DLG2: variants seen among roughly 807,000 people sequenced by gnomAD.
DLG2 encodes disks large homolog 2.
Under a neutral mutation model 132.5 loss-of-function variants are expected in DLG2, and 45 were observed. The ratio of observed to expected loss-of-function variants is 0.34; its 90% confidence interval spans 0.27 to 0.44. The LOEUF is 0.44. Among genes scored for constraint, DLG2 ranks in the 20% least tolerant of loss-of-function variants. The pLI is 1.00. For missense variants in DLG2, 1,045 were observed against 1,196.9 expected (o/e 0.87, Z 1.87); for synonymous variants, 424 against 419.6 (o/e 1.01, Z -0.13).
intron 6 of DLG2, among the ~76,000 whole-genome samples, chr11:84,739,922 T>C (rs969256265): frequency 3.3e-5 from 5 of 151,996 alleles, no homozygotes; most frequent in African/African-American, 1.2e-4. Flanking sequence ...TTTTACAGGA[T>C]CTGATGAAGC....
chr11:83,888,817 CTGATCTT>C (rs2068770949), intron 15 of DLG2, among the ~76,000 whole-genome samples: 1 of 152,190 alleles, frequency 6.6e-6, no homozygotes, highest in African/African-American at 2.4e-5. Context: ...CTACAACTAT[CTGATCTT>C]TGACAAACCT....
At chr11:85,378,632 C>T (rs2085626271) in intron 3 of DLG2, among the ~76,000 whole-genome samples, 1 of 151,902 alleles carries the variant, frequency 6.6e-6, no homozygotes, top group Non-Finnish European at 1.5e-5. Context: ...GATTTTTATA[C>T]AAGAAAAACT....
intron 6 of DLG2, among the ~76,000 whole-genome samples, chr11:84,961,566 GTA>G (rs1555318921): frequency 5.8e-5 from 8 of 138,600 alleles, no homozygotes; most frequent in East Asian, 2.3e-4. Flanking sequence ...GTGTGTGTGT[GTA>G]TGTGTATGCA....
intron 7 of DLG2, among the ~76,000 whole-genome samples, chr11:84,530,419 T>C (rs2099333653): frequency 6.6e-6 from 1 of 151,858 alleles, no homozygotes; most frequent in South Asian, 2.1e-4. Flanking sequence ...ATATTCAGAA[T>C]CCATTAACAA....
chr11:83,553,772 T>C (rs888400084), intron 19 of DLG2, among the ~76,000 whole-genome samples: 1 of 152,094 alleles, frequency 6.6e-6, no homozygotes, highest in African/African-American at 2.4e-5. Context: ...CATTTGCCAA[T>C]AGTTCAGAAA....
Position 84,866,542 on chromosome 11 carries a change from C to G in DLG2, c.357+245119G>C, listed in dbSNP as rs113786523. On this transcript the variant is annotated intron_variant, in intron 6 of 27. Transcript: ENST00000376104. ...CTGCAGATGCTAGGTAGAGTCTTGT[C>G]TTGCTACTTACTGGCTATTTGAGCC... Among the ~76,000 whole-genome samples the G allele has an allele frequency of 3.0e-3, 452 of 152,332 alleles. 5 individuals carry two copies. The highest frequency in any genetic ancestry group is 0.01 in the African/African-American group (426 of 41,576).
chr11:84,158,017 G>T (rs2095466987), intron 9 of DLG2, among the ~76,000 whole-genome samples: 1 of 151,726 alleles, frequency 6.6e-6, no homozygotes, highest in Admixed American at 6.6e-5. Flanking sequence ...GGAAGAAATA[G>T]ATTTTATTTA....
chr11:84,620,587 C>A (rs978197267), intron 6 of DLG2, among the ~76,000 whole-genome samples: 2 of 151,984 alleles, frequency 1.3e-5, no homozygotes, highest in African/African-American at 4.8e-5. Context: ...CATTATTTTA[C>A]AGAAGCAGAC....
intron 16 of DLG2, among the ~76,000 whole-genome samples, chr11:83,843,157 T>C (rs781413238): frequency 2.0e-5 from 3 of 152,226 alleles, no homozygotes; most frequent in Non-Finnish European, 4.4e-5. Context: ...CTTAACTTCA[T>C]TGTGCCCCTT....
Position 85,122,973 on chromosome 11 carries a change from T to TATATATATATA in DLG2, c.283-11239_283-11238insTATATATATAT, listed in dbSNP as rs61296374. On this transcript the variant is annotated intron_variant, in intron 5 of 27. Coordinates refer to ENST00000376104, the MANE Select transcript of DLG2 (RefSeq NM_001142699.3). ...ATTATATATATATATATATATATTT[T>TATATATATATA]TTTTTTTTTTTTTTTTTTTTTTGAG... Among the ~76,000 whole-genome samples, 125 of 47,020 alleles carry TATATATATATA rather than the reference T, an allele frequency of 2.7e-3. 1 individual carries two copies. The highest frequency in any genetic ancestry group is 0.011 in the South Asian group (15 of 1,334). The allele number at this position is 47,020 out of a possible 152,430, so 30.8% of individuals were successfully genotyped here. A position where few individuals can be genotyped will look rare whatever the true frequency, so the allele number is the denominator to read the frequency against.
chr11:84,347,542 T>C (rs898467040), intron 7 of DLG2, among the ~76,000 whole-genome samples: 1 of 152,066 alleles, frequency 6.6e-6, no homozygotes, highest in Admixed American at 6.5e-5. Flanking sequence ...CAATGTGTGG[T>C]CATATGTTTG....
intron 6 of DLG2, among the ~76,000 whole-genome samples, chr11:84,807,006 T>C (rs2076070684): frequency 6.6e-6 from 1 of 151,930 alleles, no homozygotes; most frequent in African/African-American, 2.4e-5. Context: ...GCCCAACACC[T>C]AAGAGGAGGA....
At chr11:84,985,696 T>C (rs1176691286) in intron 6 of DLG2, among the ~76,000 whole-genome samples, 1 of 152,082 alleles carries the variant, frequency 6.6e-6, no homozygotes, top group Admixed American at 6.6e-5. Flanking sequence ...AAGCAGGTTC[T>C]TTGAAAAGAT....
chr11:84,403,377 C>G (rs2098837400), intron 7 of DLG2, among the ~76,000 whole-genome samples: 1 of 152,148 alleles, frequency 6.6e-6, no homozygotes, highest in South Asian at 2.1e-4. Context: ...TAAACGGTCC[C>G]CAGTTTCCCT....
chr11:84,912,796 A>C (rs2092195790), intron 6 of DLG2, among the ~76,000 whole-genome samples: 1 of 152,222 alleles, frequency 6.6e-6, no homozygotes, highest in Non-Finnish European at 1.5e-5. Context: ...GCAGAAGGTA[A>C]TGATGGAAAG....
At chr11:84,770,746 C>T (rs557493967) in intron 6 of DLG2, among the ~76,000 whole-genome samples, 6 of 151,154 alleles carry the variant, frequency 4.0e-5, no homozygotes, top group African/African-American at 4.9e-5. Flanking sequence ...CACGGGTTCA[C>T]GCCATTCTCC....
At chr11:83,883,575 T>C (rs1468333838) in intron 15 of DLG2, among the ~76,000 whole-genome samples, 3 of 152,218 alleles carry the variant, frequency 2.0e-5, no homozygotes, top group Non-Finnish European at 2.9e-5. Flanking sequence ...AAAGCAATAA[T>C]GAGAAATCTC....
At chr11:84,263,570 A>G (rs2097574208) in intron 7 of DLG2, among the ~76,000 whole-genome samples, 1 of 152,172 alleles carries the variant, frequency 6.6e-6, no homozygotes, top group African/African-American at 2.4e-5. Flanking sequence ...AGAGTAAAAA[A>G]GATTTGAAGT....
chr11:85,151,612 C>G (rs2077259044), intron 5 of DLG2, among the ~76,000 whole-genome samples: 1 of 152,110 alleles, frequency 6.6e-6, no homozygotes, highest in Admixed American at 6.5e-5. Context: ...ATGTAGATAT[C>G]CAGTTTTCCC....
Sources: gnomAD v4.1 joint callset for allele counts (sites outside exome capture counted in the v4.1 genomes callset) on GRCh38, gnomAD v4.1.1 for gene constraint, MANE v1.5 for transcripts, NCBI Gene and HGNC (gene_info 2026-07-23, HGNC 2026-07-21) for gene names.